The following ATP10A variants were observed in gnomAD, a reference collection of about 807,000 sequenced individuals.
ATP10A encodes phospholipid-transporting ATPase VA.
In ATP10A, 111 loss-of-function variants were observed where a neutral mutation model predicts 147.8. The ratio of observed to expected loss-of-function variants is 0.75; its 90% CI spans 0.64 to 0.88. The LOEUF (loss-of-function observed/expected upper bound fraction) is 0.88. Among genes scored for constraint, ATP10A ranks in the 40% least tolerant of loss-of-function variants. The probability of loss-of-function intolerance (pLI) is 0.00; values close to 1 mark genes in which losing one functional copy is unlikely to be tolerated. For synonymous variants in ATP10A, 875 were observed against 841.6 expected, an observed-to-expected ratio of 1.04 and a Z score of -0.69; for missense variants, 1,927 against 1,959.0, an observed-to-expected ratio of 0.98 and a Z score of 0.31.
chr15:25,757,926 G>T (rs868318204), intron 2 of ATP10A, among the ~76,000 whole-genome samples: 28 of 12,924 alleles, frequency 2.2e-3, no homozygotes, highest in African/African-American at 4.0e-3. Context: ...AACTCATTCC[G>T]ACCACCTGCT....
chr15:25,736,126 G>T lies in ATP10A; in HGVS notation c.670C>A (p.Pro224Thr), dbSNP rs1010804598. 6.2e-7 allele frequency: 1 copy of T among 1,612,816 alleles called. No homozygotes were observed. The highest frequency in any genetic ancestry group is 1.3e-5 in the African/African-American group (1 of 74,886). The change falls in exon 3 of 21, where the codon CCT (proline) becomes ACT (threonine). Residue 224 changes from proline (P) to threonine (T), a missense_variant. Coordinates refer to ENST00000555815, the MANE Select transcript of ATP10A (RefSeq NM_024490.4). ...GFSELVSEFN[P>T]LTFTSVIECE... The stretch of plus-strand genomic sequence containing the variant: ...TCGATCACGCTGGTGAACGTCAAAG[G>T]ATTGAATTCGGAGACCTAAAATAAC...
At chr15:25,697,492 C>G (rs1113698) in intron 13 of ATP10A, among the ~76,000 whole-genome samples, 17,227 of 152,070 alleles carry the variant, frequency 0.11, 1,101 homozygotes, top group South Asian at 0.25. Flanking sequence ...CTGACATTAT[C>G]GACAAAGAAA....
At chr15:25,723,132 T>C (rs1445829893) in intron 6 of ATP10A, among the ~76,000 whole-genome samples, 1 of 152,022 alleles carries the variant, frequency 6.6e-6, no homozygotes, top group African/African-American at 2.4e-5. Flanking sequence ...GTGGATCACT[T>C]GAGGTCAGGA....
At chr15:25,749,569 T>C (rs1415260082) in intron 2 of ATP10A, among the ~76,000 whole-genome samples, 1 of 152,190 alleles carries the variant, frequency 6.6e-6, no homozygotes. Context: ...AACTCAAGAA[T>C]ATTTATAGTC....
chr15:25,685,074 A>T (rs569599551), intron 16 of ATP10A, among the ~76,000 whole-genome samples: 1 of 152,218 alleles, frequency 6.6e-6, no homozygotes, highest in Non-Finnish European at 1.5e-5. Context: ...AATACAGTCA[A>T]GAGAAAGAGA....
In ATP10A at chr15:25,718,367, A is replaced by C. The variant is rs1901969200; in HGVS notation, c.1396T>G (p.Ser466Ala). Residue 466 changes from serine (S) to alanine (A), a missense_variant, in exon 8 of 21, where the codon TCG becomes GCG. Coordinates refer to ENST00000555815, the MANE Select transcript of ATP10A (RefSeq NM_024490.4). Reference protein sequence around the residue: ...QRLARYQEADSEEEEVVPRGG... With the variant: ...QRLARYQEADAEEEEVVPRGG... ...CTGGGCACCACCTCCTCCTCCTCCG[A>C]GTCTGCCTCTTGGTACCTGGCCAGA... is the stretch of plus-strand genomic sequence containing the variant. The C allele has an allele frequency of 6.2e-6, 10 of 1,607,438 alleles. No homozygotes were observed. Among genetic ancestry groups the C allele is most frequent in the Non-Finnish European group, 8.5e-6 (10 of 1,178,726 alleles).
At chr15:25,809,932 G>A (rs1463113104) in intron 1 of ATP10A, among the ~76,000 whole-genome samples, 2 of 151,190 alleles carry the variant, frequency 1.3e-5, no homozygotes, top group East Asian at 2.0e-4. Flanking sequence ...GTTCCAAGTC[G>A]CCCAAGCTGG....
At chr15:25,783,031 T>C (rs1407494194) in intron 1 of ATP10A, among the ~76,000 whole-genome samples, 2 of 151,768 alleles carry the variant, frequency 1.3e-5, no homozygotes, top group Admixed American at 6.6e-5. Flanking sequence ...AAAAAATTAG[T>C]TGGGCATGGT....
rs529266136 is a variant in ATP10A, at chr15:25,771,103, T to G, written c.654+9916A>C. 7.2e-5 allele frequency among the ~76,000 whole-genome samples: 11 copies of G among 152,236 alleles called. No individual in the cohort carries two copies. In the East Asian group the frequency reaches 2.1e-3, roughly 30 times the overall value. On this transcript the variant is annotated intron_variant, in intron 2 of 20. Coordinates refer to ENST00000555815, the MANE Select transcript of ATP10A (RefSeq NM_024490.4). ...CCACCACCAGACTCTCTCCCCTCTG[T>G]GTAAGCCCCTAATCAAACCCCGTGT...
intron 2 of ATP10A, among the ~76,000 whole-genome samples, chr15:25,753,816 A>T (rs58184315): frequency 0.012 from 1,823 of 150,788 alleles, 38 homozygotes; most frequent in African/African-American, 0.041. Flanking sequence ...GGTCTCTGTC[A>T]CCCAGGCTGG....
chr15:25,757,870 G>C lies in ATP10A; in HGVS notation c.655-21729C>G, dbSNP rs769865363. ...CACCTGCTCCACCCTAACTCATTCCGACCACCTGCTCCACCCTAACTCATT... is the reference window on the plus strand; with the variant it reads ...CACCTGCTCCACCCTAACTCATTCCCACCACCTGCTCCACCCTAACTCATT... On this transcript the variant is annotated intron_variant, in intron 2 of 20. Coordinates refer to ENST00000555815, the MANE Select transcript of ATP10A (RefSeq NM_024490.4). 9.4e-4 allele frequency among the ~76,000 whole-genome samples: 103 copies of C among 109,640 alleles called. 2 individuals carry two copies. Among genetic ancestry groups the C allele is most frequent in the Admixed American group, 2.6e-3 (26 of 9,824 alleles). The allele number at this position is 109,640 out of a possible 152,430, so 71.9% of individuals were successfully genotyped here.
intron 1 of ATP10A, among the ~76,000 whole-genome samples, chr15:25,841,928 A>T (rs998363978): frequency 2.0e-5 from 3 of 152,120 alleles, no homozygotes; most frequent in African/African-American, 7.2e-5. Flanking sequence ...TAATGAGCTC[A>T]TTTTTCAGTT....
At position 25,853,370 on chromosome 15, in the gene ATP10A, T is replaced by C. The variant is rs1030713566; in HGVS notation, c.449+9278A>G. On this transcript the variant is annotated intron_variant, in intron 1 of 20. Transcript: ENST00000555815. ...CACCATGTTGTGACCAGCAGGAGTCTAACAGTCACCCAGCCCCTTTTCAAC... is the reference window on the plus strand; with the variant it reads ...CACCATGTTGTGACCAGCAGGAGTCCAACAGTCACCCAGCCCCTTTTCAAC... 5.9e-5 allele frequency among the ~76,000 whole-genome samples: 9 copies of C among 152,324 alleles called. No homozygotes were observed. In the East Asian group the frequency reaches 1.2e-3, roughly 20 times the overall value.
chr15:25,672,251 C>T, the ATP10A span, among the ~76,000 whole-genome samples: 7 of 152,178 alleles, frequency 4.6e-5, no homozygotes, highest in African/African-American at 1.7e-4. Context: ...CCCGTCCTTT[C>T]GTGACTGCCC....
intron 2 of ATP10A, among the ~76,000 whole-genome samples, chr15:25,771,369 A>G (rs1889326314): frequency 6.6e-6 from 1 of 152,190 alleles, no homozygotes; most frequent in Non-Finnish European, 1.5e-5. Flanking sequence ...CAGGAGTTCA[A>G]GAGAAACCTG....
At position 25,679,101 on chromosome 15, in the gene ATP10A, C is replaced by T. The variant is rs910443545; in HGVS notation, c.*240G>A. 1 of 229,542 alleles carries T rather than the reference C, an allele frequency of 4.4e-6. No homozygotes were observed. Among genetic ancestry groups the T allele is most frequent in the African/African-American group, 2.3e-5 (1 of 44,044 alleles). 14.2% of individuals were successfully genotyped at this position (229,542 alleles called of 1,614,324 possible). A position where few individuals can be genotyped will look rare whatever the true frequency, so the allele number is the denominator to read the frequency against. On this transcript the variant is annotated 3_prime_UTR_variant, in exon 21 of 21. Coordinates refer to ENST00000555815, the MANE Select transcript of ATP10A (RefSeq NM_024490.4). Reference sequence around the variant, plus strand: ...TGAGATGAAAAAATAAATCTAAACACACTTTTCAAGTGTTACTCTTCTTTA... The same window carrying T: ...TGAGATGAAAAAATAAATCTAAACATACTTTTCAAGTGTTACTCTTCTTTA...
chr15:25,679,625 G>T lies in ATP10A; in HGVS notation c.4216C>A (p.Pro1406Thr), dbSNP rs377428552. 35 of 1,613,022 alleles carry T rather than the reference G, an allele frequency of 2.2e-5. No individual in the cohort carries two copies. The African/African-American group carries it at 4.3e-4, about 20-fold the overall frequency. ...TTGGACTCCTCAGGACACCCTCCTG[G>T]ACTCCTCAGGACAGCCTCCCCTGGC... is the stretch of plus-strand genomic sequence containing the variant. ...SAPGEAVLRS[P>T]GGCPEESKVR... The change falls in exon 21 of 21, where the codon CCA (proline) becomes ACA (threonine). Residue 1406 changes from proline (P) to threonine (T), a missense_variant. By Grantham distance (38) the Pro-to-Thr change is conservative. Coordinates refer to ENST00000555815, the MANE Select transcript of ATP10A (RefSeq NM_024490.4).
At chr15:25,707,931 C>G (rs1421901768) in intron 12 of ATP10A, 45 bp downstream of exon 12, 1 of 1,601,376 alleles carries the variant, frequency 6.2e-7, no homozygotes, top group Non-Finnish European at 8.5e-7. Context: ...GCCGTCCCTG[C>G]AAACTCCACA....
chr15:25,790,814 C>A (rs1484964855), intron 1 of ATP10A, among the ~76,000 whole-genome samples: 1 of 152,136 alleles, frequency 6.6e-6, no homozygotes, highest in East Asian at 1.9e-4. Flanking sequence ...CTCAATAATA[C>A]TGCCCACTAG....
Sources: gnomAD v4.1 joint callset for allele counts (sites outside exome capture counted in the v4.1 genomes callset) on GRCh38, gnomAD v4.1.1 for gene constraint, MANE v1.5 for transcripts, NCBI Gene and HGNC (gene_info 2026-07-23, HGNC 2026-07-21) for gene names.